CYP4A11: variants seen among roughly 807,000 people sequenced by gnomAD.
CYP4A11 encodes the protein cytochrome P450 family 4 subfamily A member 11, also known as cytochrome P450 4A11.
Under a neutral mutation model 57.7 loss-of-function variants are expected in CYP4A11, and 52 were observed. That is an observed-to-expected ratio of 0.90 (90% CI 0.72 to 1.14). CYP4A11 has a LOEUF of 1.14. Ranked by LOEUF, CYP4A11 falls within the 50% of genes most tolerant of loss-of-function variation. The pLI is 0.00. For missense variants in CYP4A11, 641 were observed against 642.1 expected, an observed-to-expected ratio of 1.00 and a Z score of 0.02; for synonymous variants, 228 against 247.1, an observed-to-expected ratio of 0.92 and a Z score of 0.72.
At chr1:46,936,255 C>T (rs899556722) in intron 4 of CYP4A11, among the ~76,000 whole-genome samples, 23 of 152,310 alleles carry the variant, frequency 1.5e-4, no homozygotes, top group South Asian at 8.3e-4. Flanking sequence ...TGCAGAAACC[C>T]GGGGCCCCAG....
chr1:46,937,459 C>T, intron 2 of CYP4A11, 113 bp from the exon 3 acceptor site: 1 of 1,060,660 alleles, frequency 9.4e-7, no homozygotes, highest in Non-Finnish European at 1.4e-6. Flanking sequence ...ATGTCACCTC[C>T]CACTTGACTC....
Position 46,941,402 on chromosome 1 carries a change from A to G in CYP4A11, c.32T>C (p.Leu11Pro). Residue 11 changes from leucine to proline, a missense_variant, in exon 1 of 12, where the codon CTC (leucine) becomes CCC (proline). Transcript: ENST00000310638. The part of the protein sequence containing the change: MSVSVLSPSR[L>P]LGDVSGILQA... ...GAGGATTCCAGAGACATCACCCAGG[A>G]GTCTGCTGGGGCTCAGCACAGAGAC... 1 of 1,613,506 alleles carries G rather than the reference A, an allele frequency of 6.2e-7. No individual in the cohort carries two copies.
At position 46,934,994 on chromosome 1, in the gene CYP4A11, CAG is replaced by C. The variant is rs1681287450; in HGVS notation, c.790+4_790+5del. The stretch of plus-strand genomic sequence containing the variant: ...AAGGCTGGGAGACAAGAGGAAAAGA[CAG>C]AACCTGTGTGCTGATGGGCCAGCTG... On this transcript the variant is annotated splice_donor_5th_base_variant and intron_variant, in intron 6 of 11. Coordinates refer to ENST00000310638, the MANE Select transcript of CYP4A11 (RefSeq NM_000778.4). 4.3e-6 allele frequency: 7 copies of C among 1,612,872 alleles called. No homozygotes were observed. The highest frequency in any genetic ancestry group is 1.3e-5 in the African/African-American group (1 of 75,010).
rs187003693 is a variant in CYP4A11 at position 46,934,221 on chromosome 1, C to A, written c.1043G>T (p.Arg348Leu). 16 of 1,613,672 alleles carry A rather than the reference C, an allele frequency of 9.9e-6. No homozygotes were observed. In the Admixed American group the frequency reaches 1.8e-4, roughly 18 times the overall value. ...ACCCAGGAGGCTGTGGATCTCCTCC[C>A]GGCACCTCTCCTGATGCTTGGGGTG... Reference protein sequence around the residue: ...ATHPKHQERCREEIHSLLGDG... With the variant: ...ATHPKHQERCLEEIHSLLGDG... The change falls in exon 8 of 12, where the codon CGG becomes CTG. Residue 348 changes from arginine to leucine, a missense_variant. Arg to Leu is a moderately radical substitution (Grantham distance 102). Coordinates refer to ENST00000310638, the MANE Select transcript of CYP4A11 (RefSeq NM_000778.4).
intron 6 of CYP4A11, among the ~76,000 whole-genome samples, 196 bp from the exon 7 acceptor site, chr1:46,934,755 G>T (rs1329287770): frequency 6.6e-6 from 1 of 152,100 alleles, no homozygotes; most frequent in Non-Finnish European, 1.5e-5. Context: ...GTTCATGGAG[G>T]CTCCTCTTGA....
chr1:46,940,974 C>T (rs1681712312), intron 1 of CYP4A11: 4 of 985,208 alleles, frequency 4.1e-6, no homozygotes, highest in African/African-American at 1.7e-5. Context: ...AGGCATTGCC[C>T]TCCACATGCA....
chr1:46,936,848 G>T, intron 3 of CYP4A11, 57 bp from the exon 4 acceptor site: 2 of 1,540,960 alleles, frequency 1.3e-6, no homozygotes, highest in East Asian at 2.3e-5. Context: ...TGTGTGTCAG[G>T]GGCTGCAAGG....
At chr1:46,938,267 G>A (rs1681542055) in intron 1 of CYP4A11, 130 bp from the exon 2 acceptor site, 3 of 1,320,676 alleles carry the variant, frequency 2.3e-6, no homozygotes, top group Non-Finnish European at 3.1e-6. Context: ...GATGACCTGA[G>A]CTGTGATCCA....
chr1:46,930,388 C>G, intron 11 of CYP4A11, 78 bp from the exon 12 acceptor site: 4 of 1,510,216 alleles, frequency 2.6e-6, no homozygotes, highest in Non-Finnish European at 3.6e-6. Context: ...GCCCCTGACC[C>G]CAGCCCTGAG....
At position 46,929,501 on chromosome 1, in the gene CYP4A11, C is replaced by G. The variant is rs1680881286; in HGVS notation, c.*614G>C. The G allele has an allele frequency of 1.0e-5, 1 of 97,592 alleles. No individual in the cohort carries two copies. Among genetic ancestry groups the G allele is most frequent in the African/African-American group, 3.1e-5 (1 of 31,774 alleles). The allele number at this position is 97,592 out of a possible 1,614,324, so 6.0% of individuals were successfully genotyped here. A position where few individuals can be genotyped will look rare whatever the true frequency, so the allele number is the denominator to read the frequency against. ...TGCAGATTATTTATTGGTGATCAAA[C>G]AAAGAAACAGGTGGTGAGAATGTGG... is the stretch of plus-strand genomic sequence containing the variant. On this transcript the variant is annotated 3_prime_UTR_variant, in exon 12 of 12. Coordinates refer to ENST00000310638, the MANE Select transcript of CYP4A11 (RefSeq NM_000778.4).
At chr1:46,930,991 T>A (rs1021788597) in intron 11 of CYP4A11, among the ~76,000 whole-genome samples, 1 of 152,138 alleles carries the variant, frequency 6.6e-6, no homozygotes, top group Non-Finnish European at 1.5e-5. Flanking sequence ...CTGGACTTTA[T>A]GGTTTTCTGC....
rs1681127884 is a variant in CYP4A11, at chr1:46,933,050, G to A, written c.1223-3C>T. 6.2e-7 allele frequency: 1 copy of A among 1,614,170 alleles called. No individual in the cohort carries two copies. Among genetic ancestry groups the A allele is most frequent in the South Asian group, 1.1e-5 (1 of 91,066 alleles). ...AATGGAGAGGAGGACCATGATACCT[G>A]TGGTGCAGGTTGGAAACAGAGAGAA... On this transcript the variant is annotated splice_region_variant and splice_polypyrimidine_tract_variant and intron_variant, in intron 9 of 11. Coordinates refer to ENST00000310638, the MANE Select transcript of CYP4A11 (RefSeq NM_000778.4).
intron 1 of CYP4A11, chr1:46,940,977 C>A (rs757130567): frequency 1.0e-6 from 1 of 985,272 alleles, no homozygotes; most frequent in Non-Finnish European, 1.2e-6. Context: ...CATTGCCCTC[C>A]ACATGCAGGA....
chr1:46,940,737 A>G, intron 1 of CYP4A11: 1 of 985,426 alleles, frequency 1.0e-6, no homozygotes, highest in Non-Finnish European at 1.2e-6. Flanking sequence ...CCACCCCAGC[A>G]GAGTGAGCTC....
rs1027912984 is a variant in CYP4A11, at chr1:46,940,980, A to G, written c.195+259T>C. On this transcript the variant is annotated intron_variant, in intron 1 of 11. Transcript: ENST00000310638. ...GAGACAATCAGGCATTGCCCTCCAC[A>G]TGCAGGACTGCCAAGACACACTTGA... 1.8e-5 allele frequency: 18 copies of G among 985,264 alleles called. No homozygotes were observed. In the East Asian group the frequency reaches 1.4e-3, roughly 75 times the overall value. The allele number at this position is 985,264 out of a possible 1,614,324, so 61.0% of individuals were successfully genotyped here.
Position 46,933,942 on chromosome 1 carries a change from A to T in CYP4A11, c.1222+4T>A, listed in dbSNP as rs773912731. The T allele has an allele frequency of 4.3e-6, 7 of 1,614,134 alleles. No homozygotes were observed. The highest frequency in any genetic ancestry group is 5.9e-6 in the Non-Finnish European group (7 of 1,180,008). On this transcript the variant is annotated splice_donor_region_variant and intron_variant, in intron 9 of 11. Transcript: ENST00000310638. Reference sequence around the variant, plus strand: ...TTAGGTGAGAGGGTGGGGGAACTTCATACCTTTGGGCAAGGAGCGCCCATC... The same window carrying T: ...TTAGGTGAGAGGGTGGGGGAACTTCTTACCTTTGGGCAAGGAGCGCCCATC...
Position 46,930,011 on chromosome 1 carries a change from G to T in CYP4A11, c.*104C>A, listed in dbSNP as rs974271490. 1.6e-5 allele frequency: 22 copies of T among 1,384,674 alleles called. No individual in the cohort carries two copies. The highest frequency in any genetic ancestry group is 5.8e-5 in the African/African-American group (4 of 68,632). 85.8% of individuals were successfully genotyped at this position (1,384,674 alleles called of 1,614,324 possible). A position where few individuals can be genotyped will look rare whatever the true frequency, so the allele number is the denominator to read the frequency against. ...GGGCAGGCAGACTGGGGGACAGCAGGCAGGTGGGAAGAAGGGAAGGTGGGC... is the reference window on the plus strand; with the variant it reads ...GGGCAGGCAGACTGGGGGACAGCAGTCAGGTGGGAAGAAGGGAAGGTGGGC... On this transcript the variant is annotated 3_prime_UTR_variant, in exon 12 of 12. Coordinates refer to ENST00000310638, the MANE Select transcript of CYP4A11 (RefSeq NM_000778.4).
Position 46,937,325 on chromosome 1 carries a change from T to C in CYP4A11, c.359A>G (p.Tyr120Cys), listed in dbSNP as rs770181502. The change falls in exon 3 of 12, where the codon TAC (tyrosine) becomes TGC (cysteine). Residue 120 changes from tyrosine to cysteine, a missense_variant. Coordinates refer to ENST00000310638, the MANE Select transcript of CYP4A11 (RefSeq NM_000778.4). ...ACCAATCCATGGAGCCAGGAATCTG[T>C]AGGAACCATGGGATTTCGGGTCTGA... is the stretch of plus-strand genomic sequence containing the variant. The part of the protein sequence containing the change: ...GRSDPKSHGS[Y>C]RFLAPWIGYG... 1 of 1,614,062 alleles carries C rather than the reference T, an allele frequency of 6.2e-7. No individual in the cohort carries two copies. The highest frequency in any genetic ancestry group is 8.5e-7 in the Non-Finnish European group (1 of 1,179,968).
intron 10 of CYP4A11, 21 bp downstream of exon 10, chr1:46,932,962 C>T (rs2148453919): frequency 6.2e-7 from 1 of 1,614,168 alleles, no homozygotes; most frequent in Non-Finnish European, 8.5e-7. Context: ...ACCTCATTTC[C>T]TCCTCTCAAG....
Sources: gnomAD v4.1 joint callset for allele counts (sites outside exome capture counted in the v4.1 genomes callset) on GRCh38, gnomAD v4.1.1 for gene constraint, MANE v1.5 for transcripts, NCBI Gene and HGNC (gene_info 2026-07-23, HGNC 2026-07-21) for gene names.